The following IQSEC1 variants were observed in gnomAD, a reference collection of about 807,000 sequenced individuals.
IQSEC1 encodes IQ motif and Sec7 domain ArfGEF 1.
IQSEC1 carries 31 observed loss-of-function variants against 91.0 expected under a neutral mutation model. That is an observed-to-expected ratio of 0.34 (90% confidence interval 0.26 to 0.46). The LOEUF (loss-of-function observed/expected upper bound fraction) is 0.46. Ranked by LOEUF, IQSEC1 falls within the 20% of genes least tolerant of loss-of-function variation. The probability of loss-of-function intolerance (pLI) is 1.00; values close to 1 mark genes in which losing one functional copy is unlikely to be tolerated. For missense variants in IQSEC1, 1,388 were observed against 1,575.6 expected (o/e 0.88, Z 2.02); for synonymous variants, 699 against 662.6 (o/e 1.05, Z -0.84).
chr3:13,130,297 T>C (rs1706589187), intron 2 of IQSEC1, among the ~76,000 whole-genome samples: 1 of 147,370 alleles, frequency 6.8e-6, no homozygotes, highest in Admixed American at 6.8e-5. Flanking sequence ...TGAACCGAGA[T>C]TGTGCCACTG....
chr3:13,040,934 C>A (rs572076896), intron 1 of IQSEC1, among the ~76,000 whole-genome samples: 26 of 152,140 alleles, frequency 1.7e-4, no homozygotes, highest in Non-Finnish European at 2.5e-4. Context: ...CCTCATTTGT[C>A]CCTGCCTGGC....
At chr3:13,042,658 A>G (rs536303382) in intron 1 of IQSEC1, among the ~76,000 whole-genome samples, 8 of 152,310 alleles carry the variant, frequency 5.3e-5, no homozygotes, top group Admixed American at 1.3e-4. Context: ...TCCCTGGGAC[A>G]CACCAAGGCA....
chr3:13,270,697 A>G (rs1240235744), intron 1 of IQSEC1, among the ~76,000 whole-genome samples: 2 of 152,364 alleles, frequency 1.3e-5, no homozygotes, highest in African/African-American at 4.8e-5. Flanking sequence ...AAAAATAGTT[A>G]ACACAAAAGA....
chr3:12,928,123 G>T (rs1697322309), intron 3 of IQSEC1, among the ~76,000 whole-genome samples: 1 of 152,140 alleles, frequency 6.6e-6, no homozygotes, highest in Non-Finnish European at 1.5e-5. Context: ...TGAGTGAGGG[G>T]CTCCTGTGGG....
intron 1 of IQSEC1, among the ~76,000 whole-genome samples, chr3:13,192,423 C>T (rs1694052828): frequency 6.6e-6 from 1 of 152,146 alleles, no homozygotes; most frequent in Non-Finnish European, 1.5e-5. Flanking sequence ...GTAGGGGTCC[C>T]CCAGTCCAAT....
rs575135767 is a variant in IQSEC1 at position 13,058,562 on chromosome 3, A to G, written c.23+14430T>C. Among the ~76,000 whole-genome samples, 10 of 152,326 alleles carry G rather than the reference A, an allele frequency of 6.6e-5. No individual in the cohort carries two copies. In the South Asian group the frequency reaches 2.1e-3, roughly 32 times the overall value. ...GCAGGTGAGGGCTGTCTTTGTGGCC[A>G]GTCAGCACCATCCAGGGGAGGACCT... On this transcript the variant is annotated intron_variant, in intron 1 of 13. Transcript: ENST00000613206.
At position 13,101,500 on chromosome 3, in the gene IQSEC1, C is replaced by T. The variant is rs975900972; in HGVS notation, c.303-53978G>A. ...GAAACAAGGAGGTCTGGGAAGGCCC[C>T]GGGAAGATGAGCGATGGTGGTGCCT... On this transcript the variant is annotated intron_variant, in intron 2 of 15. Coordinates refer to the IQSEC1 transcript ENST00000648114. Among the ~76,000 whole-genome samples the T allele has an allele frequency of 2.6e-5, 4 of 151,484 alleles. No homozygotes were observed. The East Asian group carries it at 5.8e-4, about 22-fold the overall frequency.
intron 3 of IQSEC1, among the ~76,000 whole-genome samples, chr3:12,933,712 C>T (rs1697913184): frequency 6.6e-6 from 1 of 152,190 alleles, no homozygotes; most frequent in Non-Finnish European, 1.5e-5. Flanking sequence ...GTGTTCTTAA[C>T]CATGGCTGTC....
At chr3:13,082,675 C>T (rs1041950339) in intron 2 of IQSEC1, among the ~76,000 whole-genome samples, 17 of 152,228 alleles carry the variant, frequency 1.1e-4, no homozygotes, top group Non-Finnish European at 2.1e-4. Flanking sequence ...CACCCCTAGC[C>T]CCGCACTGGG....
chr3:12,972,332 T>A (rs1398162153), intron 1 of IQSEC1, among the ~76,000 whole-genome samples: 3 of 150,414 alleles, frequency 2.0e-5, no homozygotes, highest in Non-Finnish European at 3.0e-5. Context: ...GCCAGTGAAA[T>A]GAAGAAATCA....
chr3:13,100,666 A>C (rs1249003537), intron 2 of IQSEC1, among the ~76,000 whole-genome samples: 2 of 148,880 alleles, frequency 1.3e-5, no homozygotes, highest in East Asian at 3.8e-4. Context: ...AGCAAAACCC[A>C]GAATTCTGGG....
intron 2 of IQSEC1, among the ~76,000 whole-genome samples, chr3:13,138,818 G>A (rs1706753260): frequency 6.6e-6 from 1 of 151,760 alleles, no homozygotes; most frequent in South Asian, 2.1e-4. Flanking sequence ...CTGCTTGTGA[G>A]CTTCCCCTCC....
intron 1 of IQSEC1, among the ~76,000 whole-genome samples, chr3:13,057,021 ATTTC>A (rs990880996): frequency 1.3e-4 from 20 of 151,992 alleles, no homozygotes; most frequent in Admixed American, 5.9e-4. Flanking sequence ...CCCTTATAGG[ATTTC>A]TTTATGTGAA....
chr3:13,203,529 A>G (rs969842622), intron 1 of IQSEC1, among the ~76,000 whole-genome samples: 1 of 152,086 alleles, frequency 6.6e-6, no homozygotes, highest in Non-Finnish European at 1.5e-5. Flanking sequence ...GGCCCGTGGC[A>G]GGAACAGGAG....
intron 1 of IQSEC1, among the ~76,000 whole-genome samples, chr3:12,947,320 C>A (rs376336478): frequency 6.6e-6 from 1 of 152,164 alleles, no homozygotes; most frequent in African/African-American, 2.4e-5. Flanking sequence ...GTCAGACACC[C>A]GTCAGAGAGG....
intron 1 of IQSEC1, among the ~76,000 whole-genome samples, chr3:13,190,438 C>T (rs1018454356): frequency 3.3e-5 from 5 of 152,076 alleles, no homozygotes; most frequent in African/African-American, 9.7e-5. Context: ...CAGGCATGGT[C>T]CCAGCTACTC....
rs199708808 is a variant in IQSEC1 at position 12,924,746 on chromosome 3, G to A, written c.1569-4C>T. On this transcript the variant is annotated splice_polypyrimidine_tract_variant and splice_region_variant and intron_variant, in intron 3 of 13. Transcript: ENST00000613206. This position sits in a 1 kb window ranked among gnomAD's most constrained non-coding sequence, Gnocchi z 6.3. ...CTGGACTCCCTTCTCAGGCTTCCTG[G>A]GGTAGGACGAGAGGCACACTCAGTC... 2 of 1,561,304 alleles carry A rather than the reference G, an allele frequency of 1.3e-6. No homozygotes were observed. Among genetic ancestry groups the A allele is most frequent in the African/African-American group, 2.7e-5 (2 of 73,408 alleles).
At chr3:13,186,631 A>T (rs1339868709) in intron 1 of IQSEC1, among the ~76,000 whole-genome samples, 1 of 152,118 alleles carries the variant, frequency 6.6e-6, no homozygotes, top group East Asian at 1.9e-4. Context: ...GCCCATCTGG[A>T]GATCTGGATG....
At chr3:12,923,718 C>T in intron 4 of IQSEC1, among the ~76,000 whole-genome samples, 1 of 152,214 alleles carries the variant, frequency 6.6e-6, no homozygotes, top group South Asian at 2.1e-4. Flanking sequence ...GGCGTACTGG[C>T]CAGCCCCAGG....
Sources: allele counts gnomAD v4.1 joint callset (sites outside exome capture counted in the v4.1 genomes callset), GRCh38; gene constraint gnomAD v4.1.1; non-coding constraint Gnocchi (gnomAD v3.1); transcripts MANE v1.5; gene names NCBI Gene and HGNC (gene_info 2026-07-23, HGNC 2026-07-21).